The following NR2C2 variants were observed in gnomAD, a reference collection of about 807,000 sequenced individuals.
The protein encoded by NR2C2 is nuclear receptor subfamily 2 group C member 2.
Under a neutral mutation model 62.9 loss-of-function variants are expected in NR2C2, and 6 were observed. That is an observed-to-expected ratio of 0.10 (90% confidence interval 0.05 to 0.19). NR2C2 has a LOEUF of 0.19. Among genes scored for constraint, NR2C2 ranks in the 10% least tolerant of loss-of-function variants. The pLI, the probability that NR2C2 is intolerant of heterozygous loss-of-function variation, is 1.00. For synonymous variants in NR2C2, 272 were observed against 273.8 expected (o/e 0.99, Z 0.07); for missense variants, 479 against 762.7 (o/e 0.63, Z 4.38).
intron 10 of NR2C2, chr3:15,034,327 A>C: frequency 5.5e-6 from 1 of 182,072 alleles, no homozygotes; most frequent in Non-Finnish European, 1.1e-5. Flanking sequence ...TGGCTGCAGG[A>C]CCTAAGTAAC....
intron 3 of NR2C2, among the ~76,000 whole-genome samples, chr3:15,014,537 AT>A: frequency 6.6e-6 from 1 of 152,096 alleles, no homozygotes; most frequent in Non-Finnish European, 1.5e-5. Flanking sequence ...AGCTTTAGGT[AT>A]ACAGTTTAGT....
At chr3:14,973,381 C>T (rs1050609969) in intron 1 of NR2C2, among the ~76,000 whole-genome samples, 6 of 151,810 alleles carry the variant, frequency 4.0e-5, no homozygotes, top group South Asian at 4.2e-4. Context: ...GTGTACACTA[C>T]CATGCCAGGC....
At chr3:15,029,287 A>C (rs73129414) in intron 8 of NR2C2, among the ~76,000 whole-genome samples, 2,057 of 152,162 alleles carry the variant, frequency 0.014, 49 homozygotes, top group African/African-American at 0.047. Flanking sequence ...TTCAGAGCTT[A>C]AATCCACCAG....
chr3:14,972,602 T>TG (rs530329372), intron 1 of NR2C2, among the ~76,000 whole-genome samples: 264 of 152,330 alleles, frequency 1.7e-3, no homozygotes, highest in African/African-American at 6.2e-3. Flanking sequence ...CTTTATATAT[T>TG]CTGGATATTA....
chr3:15,001,463 T>G (rs2041000747), intron 1 of NR2C2, among the ~76,000 whole-genome samples: 1 of 151,646 alleles, frequency 6.6e-6, no homozygotes, highest in African/African-American at 2.4e-5. Flanking sequence ...GCCTCCTGAG[T>G]AGCTGGGATT....
At chr3:14,990,190 G>C (rs1325689130) in intron 1 of NR2C2, among the ~76,000 whole-genome samples, 1 of 152,180 alleles carries the variant, frequency 6.6e-6, no homozygotes, top group Non-Finnish European at 1.5e-5. Flanking sequence ...GGCTCTCCAG[G>C]TCTTTCCTCC....
chr3:14,985,016 C>T (rs968853586), intron 1 of NR2C2, among the ~76,000 whole-genome samples: 1 of 152,048 alleles, frequency 6.6e-6, no homozygotes, highest in Non-Finnish European at 1.5e-5. Context: ...TTTTAATTTG[C>T]ATTTCTCTGA....
At chr3:15,029,252 A>C (rs1170416402) in intron 8 of NR2C2, among the ~76,000 whole-genome samples, 3 of 151,668 alleles carry the variant, frequency 2.0e-5, no homozygotes, top group African/African-American at 7.3e-5. Flanking sequence ...CCCAGCCCTC[A>C]TGTATATTTT....
chr3:15,007,429 CT>C (rs1332548536), intron 2 of NR2C2, among the ~76,000 whole-genome samples: 16 of 152,176 alleles, frequency 1.1e-4, no homozygotes, highest in Admixed American at 1.0e-3. Context: ...GCCCAGCCCC[CT>C]GACCTCTCTT....
intron 1 of NR2C2, among the ~76,000 whole-genome samples, chr3:14,976,884 C>T (rs2040222466): frequency 6.6e-6 from 1 of 151,950 alleles, no homozygotes; most frequent in South Asian, 2.1e-4. Context: ...GACCTCTCTT[C>T]CTCTCCCTCC....
intron 7 of NR2C2, among the ~76,000 whole-genome samples, chr3:15,024,431 CA>C (rs1343528987): frequency 6.6e-6 from 1 of 152,210 alleles, no homozygotes; most frequent in Non-Finnish European, 1.5e-5. Context: ...TGTAACATGT[CA>C]GTCTAGATGT....
chr3:15,041,370 C>T (rs2042259764), intron 13 of NR2C2, among the ~76,000 whole-genome samples: 1 of 152,126 alleles, frequency 6.6e-6, no homozygotes, highest in Non-Finnish European at 1.5e-5. Flanking sequence ...TGGCAGGTCC[C>T]TTACACCTTC....
chr3:14,971,997 C>T (rs532582868), intron 1 of NR2C2, among the ~76,000 whole-genome samples: 3 of 151,210 alleles, frequency 2.0e-5, no homozygotes, highest in South Asian at 4.2e-4. Context: ...TTAGTAGAGA[C>T]GGGGTATCTC....
At chr3:15,019,341 A>G (rs1431754344) in intron 4 of NR2C2, among the ~76,000 whole-genome samples, 1 of 152,200 alleles carries the variant, frequency 6.6e-6, no homozygotes, top group East Asian at 1.9e-4. Flanking sequence ...TAGTACAGCC[A>G]CTATAGAAAA....
Position 15,034,651 on chromosome 3 carries a change from CTCCT to C in NR2C2, c.1233-17_1233-14del. 2 of 1,611,998 alleles carry C rather than the reference CTCCT, an allele frequency of 1.2e-6. No homozygotes were observed. Among genetic ancestry groups the C allele is most frequent in the Non-Finnish European group, 1.7e-6 (2 of 1,178,760 alleles). On this transcript the variant is annotated splice_polypyrimidine_tract_variant and intron_variant, in intron 10 of 13. Transcript: ENST00000425241. ...AATGCCAACACACACCACACTCAGA[CTCCT>C]TTCTATATTCCTAGGCAGGACTGCA...
In NR2C2 at chr3:15,013,767, A is replaced by G. The variant is rs2041422229; in HGVS notation, c.251A>G (p.Asn84Ser). The G allele has an allele frequency of 6.2e-7, 1 of 1,614,012 alleles. No homozygotes were observed. The highest frequency in any genetic ancestry group is 1.1e-5 in the South Asian group (1 of 91,072). ...CAACTCATATTCACCACCTCAGACA[A>G]CCTCGTCCCTGGCAGGATCCAGGTA... ...AKQLIFTTSDNLVPGRIQIVT... is the reference protein window; with the variant it reads ...AKQLIFTTSDSLVPGRIQIVT... Residue 84 changes from asparagine (N) to serine (S), a missense_variant, in exon 3 of 14, where the codon AAC becomes AGC. Asn to Ser is a conservative substitution (Grantham distance 46). Transcript: ENST00000425241.
At chr3:15,039,014 G>A (rs965406736) in intron 12 of NR2C2, 108 bp from the exon 13 acceptor site, 20 of 755,210 alleles carry the variant, frequency 2.6e-5, no homozygotes, top group Non-Finnish European at 4.3e-5. Flanking sequence ...AGTTCAATTT[G>A]TTGTACTTAA....
intron 7 of NR2C2, among the ~76,000 whole-genome samples, chr3:15,024,502 A>G (rs886506387): frequency 2.0e-5 from 3 of 152,198 alleles, no homozygotes; most frequent in Non-Finnish European, 4.4e-5. Flanking sequence ...TCTCTTATAC[A>G]CATTGGCAAA....
Position 15,048,146 on chromosome 3 carries a change from G to A in NR2C2, c.*5138G>A, listed in dbSNP as rs1038827819. The A allele has an allele frequency of 3.3e-5, 5 of 152,642 alleles. No homozygotes were observed. Among genetic ancestry groups the A allele is most frequent in the African/African-American group, 1.2e-4 (5 of 41,450 alleles). 9.5% of individuals were successfully genotyped at this position (152,642 alleles called of 1,614,324 possible). ...TCAAAATGTTTTAAAAACACTTTATGAGACCATAGTACTCAGTGCCTTTTG... is the reference window on the plus strand; with the variant it reads ...TCAAAATGTTTTAAAAACACTTTATAAGACCATAGTACTCAGTGCCTTTTG... On this transcript the variant is annotated 3_prime_UTR_variant, in exon 14 of 14. Transcript: ENST00000425241.
Sources: allele counts gnomAD v4.1 joint callset (sites outside exome capture counted in the v4.1 genomes callset), GRCh38; gene constraint gnomAD v4.1.1; transcripts MANE v1.5; gene names NCBI Gene and HGNC (gene_info 2026-07-23, HGNC 2026-07-21).